LHFPL2: variants seen among roughly 807,000 people sequenced by gnomAD.
LHFPL2 encodes the protein LHFPL tetraspan subfamily member 2 protein.
In LHFPL2, 7 loss-of-function variants were observed where a neutral mutation model predicts 17.5. The observed-to-expected ratio is 0.40, with a 90% confidence interval of 0.23 to 0.75. The LOEUF (loss-of-function observed/expected upper bound fraction) is 0.75, where lower values mean the gene tolerates loss of function less well. Ranked by LOEUF, LHFPL2 falls within the 30% of genes least tolerant of loss-of-function variation. The pLI, the probability that LHFPL2 is intolerant of heterozygous loss-of-function variation, is 0.37. For missense variants in LHFPL2, 241 were observed against 294.8 expected, an observed-to-expected ratio of 0.82 and a Z score of 1.34; for synonymous variants, 134 against 116.2, an observed-to-expected ratio of 1.15 and a Z score of -0.99.
intron 3 of LHFPL2, among the ~76,000 whole-genome samples, chr5:78,522,430 C>T (rs991936179): frequency 6.6e-6 from 1 of 152,132 alleles, no homozygotes; most frequent in South Asian, 2.1e-4. Flanking sequence ...GAGTGAGACT[C>T]TTGTCTCAAA....
intron 4 of LHFPL2, among the ~76,000 whole-genome samples, chr5:78,499,229 T>C (rs534305136): frequency 3.2e-4 from 49 of 152,354 alleles, no homozygotes; most frequent in African/African-American, 1.1e-3. Context: ...ATGGATACTT[T>C]AGTTGGAAGT....
At chr5:78,508,525 C>T (rs1755004918) in intron 4 of LHFPL2, among the ~76,000 whole-genome samples, 1 of 152,200 alleles carries the variant, frequency 6.6e-6, no homozygotes, top group African/African-American at 2.4e-5. Context: ...CAGGGGCCTC[C>T]TAAGATCTGA....
At chr5:78,590,370 T>A (rs1436643703) in intron 2 of LHFPL2, among the ~76,000 whole-genome samples, 3 of 152,228 alleles carry the variant, frequency 2.0e-5, no homozygotes, top group African/African-American at 7.2e-5. Context: ...CCTAGAACTT[T>A]AAAGTCACTT....
At position 78,583,394 on chromosome 5, in the gene LHFPL2, T is replaced by G. The variant is rs561429000; in HGVS notation, c.-244-18523A>C. On this transcript the variant is annotated intron_variant, in intron 2 of 4. Transcript: ENST00000380345. Reference sequence around the variant, plus strand: ...TCCTAGTCTCGATGGTCTTTACATTTTGGCATGATTTTGCAGCGGCTGGTA... The same window carrying G: ...TCCTAGTCTCGATGGTCTTTACATTGTGGCATGATTTTGCAGCGGCTGGTA... Among the ~76,000 whole-genome samples the G allele has an allele frequency of 2.4e-4, 37 of 151,930 alleles. No individual in the cohort carries two copies. The East Asian group carries it at 6.8e-3, about 28-fold the overall frequency.
At chr5:78,644,152 A>ATTG in intron 1 of LHFPL2, 1 of 536,424 alleles carries the variant, frequency 1.9e-6, no homozygotes, top group East Asian at 3.3e-5. Flanking sequence ...ACAATGTACA[A>ATTG]TTTCAAAACA....
rs7735704 is a variant in LHFPL2 at position 78,488,646 on chromosome 5, A to G, written c.*251T>C. The G allele has an allele frequency of 0.016, 8,041 of 489,724 alleles. 418 individuals are homozygous for G. Among genetic ancestry groups the G allele is most frequent in the African/African-American group, 0.12 (6,389 of 51,792 alleles). 30.3% of individuals were successfully genotyped at this position (489,724 alleles called of 1,614,324 possible). On this transcript the variant is annotated 3_prime_UTR_variant, in exon 5 of 5. Coordinates refer to ENST00000380345, the MANE Select transcript of LHFPL2 (RefSeq NM_005779.3). ...GAACCTGGGGGAGATGGAGTCTGAC[A>G]GAACTTGGCAACTCCAGGTCTAGGA...
chr5:78,550,078 A>C (rs1220824475), intron 3 of LHFPL2, among the ~76,000 whole-genome samples: 1 of 152,252 alleles, frequency 6.6e-6, no homozygotes, highest in African/African-American at 2.4e-5. Context: ...TTTGAAATTC[A>C]ATAACAATAA....
chr5:78,610,498 G>A (rs1225054226), intron 2 of LHFPL2, among the ~76,000 whole-genome samples: 2 of 152,162 alleles, frequency 1.3e-5, no homozygotes, highest in Non-Finnish European at 1.5e-5. Flanking sequence ...GGGCCTGCTG[G>A]GGACCCAGAA....
chr5:78,639,318 A>C (rs186436195), intron 1 of LHFPL2, among the ~76,000 whole-genome samples: 1 of 152,336 alleles, frequency 6.6e-6, no homozygotes, highest in African/African-American at 2.4e-5. Flanking sequence ...AATACACTTA[A>C]GCACAAGCTG....
At chr5:78,584,159 T>C (rs1743272802) in intron 2 of LHFPL2, among the ~76,000 whole-genome samples, 2 of 150,012 alleles carry the variant, frequency 1.3e-5, no homozygotes, top group Non-Finnish European at 3.0e-5. Flanking sequence ...CTTCTCTGTA[T>C]TGGTTATTCT....
At chr5:78,618,931 T>C (rs1314252575) in intron 2 of LHFPL2, among the ~76,000 whole-genome samples, 2 of 152,150 alleles carry the variant, frequency 1.3e-5, no homozygotes, top group Non-Finnish European at 1.5e-5. Flanking sequence ...AGAATGGTAT[T>C]ATACAGACTT....
chr5:78,579,535 T>C lies in LHFPL2; in HGVS notation c.-244-14664A>G, dbSNP rs1214844394. Among the ~76,000 whole-genome samples the C allele has an allele frequency of 2.6e-5, 4 of 152,022 alleles. No homozygotes were observed. In the East Asian group the frequency reaches 7.7e-4, roughly 29 times the overall value. ...AGGCCCCAGAGTGTGATGTTCCCCT[T>C]CCTGTGTCCATGTGTTCTCATTGTT... On this transcript the variant is annotated intron_variant, in intron 2 of 4. Transcript: ENST00000380345.
In LHFPL2 at chr5:78,488,772, A is replaced by C; in HGVS notation, c.*125T>G. 9.1e-7 allele frequency: 1 copy of C among 1,095,210 alleles called. No individual in the cohort carries two copies. Among genetic ancestry groups the C allele is most frequent in the Non-Finnish European group, 1.3e-6 (1 of 749,506 alleles). The allele number at this position is 1,095,210 out of a possible 1,614,324, so 67.8% of individuals were successfully genotyped here. A position where few individuals can be genotyped will look rare whatever the true frequency, so the allele number is the denominator to read the frequency against. On this transcript the variant is annotated 3_prime_UTR_variant, in exon 5 of 5. Coordinates refer to ENST00000380345, the MANE Select transcript of LHFPL2 (RefSeq NM_005779.3). ...ATGTGGCCTCTCATTGGTCCTGTTT[A>C]AGCCTCGGGCCGTGGAACGTGGCTT...
chr5:78,626,879 G>C (rs904525598), intron 2 of LHFPL2, among the ~76,000 whole-genome samples: 1 of 151,834 alleles, frequency 6.6e-6, no homozygotes, highest in African/African-American at 2.4e-5. Context: ...TCAGGAGTTC[G>C]AGACCAGCCT....
chr5:78,497,707 T>C (rs2362831), intron 4 of LHFPL2, among the ~76,000 whole-genome samples: 7,039 of 152,322 alleles, frequency 0.046, 344 homozygotes, highest in East Asian at 0.26. Flanking sequence ...CAGTTTGCAA[T>C]TCTGGCCAAC....
intron 2 of LHFPL2, among the ~76,000 whole-genome samples, chr5:78,573,354 GAT>G (rs1260017042): frequency 6.6e-6 from 1 of 152,212 alleles, no homozygotes; most frequent in Non-Finnish European, 1.5e-5. Flanking sequence ...CCAATTTTAA[GAT>G]AGGAAAAAAT....
At chr5:78,510,735 G>T (rs1353905008) in intron 3 of LHFPL2, among the ~76,000 whole-genome samples, 1 of 152,210 alleles carries the variant, frequency 6.6e-6, no homozygotes. Context: ...TCTTTTACTG[G>T]AAAAAGTCAA....
At chr5:78,497,313 T>C (rs1580745177) in intron 4 of LHFPL2, among the ~76,000 whole-genome samples, 1 of 152,208 alleles carries the variant, frequency 6.6e-6, no homozygotes, top group Non-Finnish European at 1.5e-5. Context: ...TTCTTTTCAA[T>C]AAATCCTACC....
intron 4 of LHFPL2, among the ~76,000 whole-genome samples, chr5:78,492,485 C>T (rs1307697732): frequency 6.6e-6 from 1 of 152,164 alleles, no homozygotes; most frequent in Non-Finnish European, 1.5e-5. Flanking sequence ...GGTTTTACAT[C>T]ACTTAATACA....
Sources: gnomAD v4.1 joint callset for allele counts (sites outside exome capture counted in the v4.1 genomes callset) on GRCh38, gnomAD v4.1.1 for gene constraint, MANE v1.5 for transcripts, NCBI Gene and HGNC (gene_info 2026-07-23, HGNC 2026-07-21) for gene names.